The following DOK5 variants were observed in gnomAD, a reference collection of about 807,000 sequenced individuals.
The protein encoded by DOK5 is docking protein 5.
A neutral mutation model predicts 43.3 loss-of-function variants in DOK5; 27 were observed. The observed-to-expected ratio is 0.62, with a 90% CI of 0.46 to 0.86. DOK5 has a LOEUF of 0.86. Ranked by LOEUF, DOK5 falls within the 40% of genes least tolerant of loss-of-function variation. The probability of loss-of-function intolerance (pLI) is 0.00; values close to 1 mark genes in which losing one functional copy is unlikely to be tolerated. For synonymous variants in DOK5, 146 were observed against 140.1 expected, an observed-to-expected ratio of 1.04 and a Z score of -0.30; for missense variants, 373 against 392.9, an observed-to-expected ratio of 0.95 and a Z score of 0.43.
intron 1 of DOK5, among the ~76,000 whole-genome samples, chr20:54,554,071 C>A (rs927723106): frequency 6.6e-6 from 1 of 151,846 alleles, no homozygotes; most frequent in African/African-American, 2.4e-5. Context: ...TTATTTTCTT[C>A]AGGATAGTTT....
At chr20:54,647,269 C>A (rs1019842020) in intron 7 of DOK5, among the ~76,000 whole-genome samples, 1 of 152,078 alleles carries the variant, frequency 6.6e-6, no homozygotes, top group East Asian at 1.9e-4. Context: ...CTTTGGGAGG[C>A]CGAGTTGGGT....
At chr20:54,520,888 G>A (rs1399666955) in intron 1 of DOK5, among the ~76,000 whole-genome samples, 1 of 151,658 alleles carries the variant, frequency 6.6e-6, no homozygotes, top group African/African-American at 2.4e-5. Context: ...CCATGATTGT[G>A]TGTCTGCATC....
At chr20:54,499,806 G>A (rs73142924) in intron 1 of DOK5, among the ~76,000 whole-genome samples, 11,230 of 152,230 alleles carry the variant, frequency 0.074, 462 homozygotes, top group Non-Finnish European at 0.092. Context: ...CTATTCTGAC[G>A]TGTTGTCACT....
chr20:54,535,440 A>T (rs1181812789), intron 1 of DOK5, among the ~76,000 whole-genome samples: 3 of 152,152 alleles, frequency 2.0e-5, no homozygotes, highest in Non-Finnish European at 4.4e-5. Flanking sequence ...TGAGAGACTG[A>T]ACCTTGCTGA....
intron 1 of DOK5, among the ~76,000 whole-genome samples, chr20:54,543,214 A>G (rs1984224786): frequency 6.6e-6 from 1 of 151,978 alleles, no homozygotes; most frequent in Non-Finnish European, 1.5e-5. Context: ...TGAAGGAACA[A>G]CGTTGAATAT....
intron 1 of DOK5, among the ~76,000 whole-genome samples, chr20:54,489,391 T>A (rs1446634894): frequency 6.6e-6 from 1 of 152,008 alleles, no homozygotes; most frequent in Non-Finnish European, 1.5e-5. Context: ...TATATATAAG[T>A]AGTTTTGTGT....
At chr20:54,505,518 AG>A (rs1982771827) in intron 1 of DOK5, among the ~76,000 whole-genome samples, 1 of 152,302 alleles carries the variant, frequency 6.6e-6, no homozygotes, top group South Asian at 2.1e-4. Flanking sequence ...CACAGACAAA[AG>A]TCCCTGCCCT....
At chr20:54,631,682 A>C (rs1978573242) in intron 6 of DOK5, among the ~76,000 whole-genome samples, 1 of 152,194 alleles carries the variant, frequency 6.6e-6, no homozygotes, top group Non-Finnish European at 1.5e-5. Context: ...ATGTTAAAAA[A>C]TGTGTAATAG....
At chr20:54,628,802 C>A (rs1458228717) in intron 6 of DOK5, among the ~76,000 whole-genome samples, 1 of 152,110 alleles carries the variant, frequency 6.6e-6, no homozygotes, top group African/African-American at 2.4e-5. Context: ...TTTGTGAGAA[C>A]TTTAGGAAGG....
At chr20:54,477,726 T>C (rs894912475) in intron 1 of DOK5, among the ~76,000 whole-genome samples, 1 of 152,038 alleles carries the variant, frequency 6.6e-6, no homozygotes, top group South Asian at 2.1e-4. Flanking sequence ...AGACATCCAT[T>C]CTGTGTTAGG....
intron 6 of DOK5, among the ~76,000 whole-genome samples, chr20:54,642,231 T>A (rs1177029197): frequency 6.6e-6 from 1 of 152,208 alleles, no homozygotes; most frequent in Non-Finnish European, 1.5e-5. Context: ...GGCTGTTGAC[T>A]GCTCTCTGAT....
At chr20:54,476,069 G>C in intron 1 of DOK5, 57 bp downstream of exon 1, 1 of 1,603,118 alleles carries the variant, frequency 6.2e-7, no homozygotes, top group South Asian at 1.1e-5. Flanking sequence ...TCTCTCTTGA[G>C]CCAGCATCCC....
chr20:54,540,160 T>C (rs1348663159), intron 1 of DOK5, among the ~76,000 whole-genome samples: 1 of 151,792 alleles, frequency 6.6e-6, no homozygotes, highest in African/African-American at 2.4e-5. Context: ...TTTTTTCAAC[T>C]CTACAAAAAT....
At chr20:54,562,724 G>T (rs1055249135) in intron 2 of DOK5, among the ~76,000 whole-genome samples, 2 of 150,984 alleles carry the variant, frequency 1.3e-5, no homozygotes, top group African/African-American at 4.9e-5. Context: ...GGCCTCATTT[G>T]TACGCATATT....
intron 6 of DOK5, among the ~76,000 whole-genome samples, chr20:54,617,759 A>G (rs1337431959): frequency 2.0e-5 from 3 of 152,238 alleles, no homozygotes; most frequent in Non-Finnish European, 4.4e-5. Context: ...ACTTTCTGGA[A>G]TAATATTTAC....
intron 1 of DOK5, among the ~76,000 whole-genome samples, chr20:54,506,688 T>A (rs1982818078): frequency 6.6e-6 from 1 of 152,198 alleles, no homozygotes; most frequent in African/African-American, 2.4e-5. Flanking sequence ...CTTGAACTCC[T>A]GGGCTCAAGT....
At chr20:54,568,887 A>C (rs1164619505) in intron 2 of DOK5, among the ~76,000 whole-genome samples, 1 of 151,310 alleles carries the variant, frequency 6.6e-6, no homozygotes, top group Non-Finnish European at 1.5e-5. Context: ...AGCCGAGTTC[A>C]CGCCACTGCA....
chr20:54,516,065 T>TC (rs1360417436), intron 1 of DOK5, among the ~76,000 whole-genome samples: 1 of 152,190 alleles, frequency 6.6e-6, no homozygotes, highest in Admixed American at 6.5e-5. Flanking sequence ...TTGCAGTGTG[T>TC]CGTGTACCCT....
intron 1 of DOK5, among the ~76,000 whole-genome samples, chr20:54,550,326 A>C (rs538145990): frequency 5.1e-4 from 77 of 152,322 alleles, no homozygotes; most frequent in African/African-American, 1.8e-3. Context: ...ATAATTGTAA[A>C]TTCACATTCA....
Sources: allele counts gnomAD v4.1 joint callset (sites outside exome capture counted in the v4.1 genomes callset), GRCh38; gene constraint gnomAD v4.1.1; transcripts MANE v1.5; gene names NCBI Gene and HGNC (gene_info 2026-07-23, HGNC 2026-07-21).